KCNJ6: variants seen among roughly 807,000 people sequenced by gnomAD.
The protein encoded by KCNJ6 is G protein-activated inward rectifier potassium channel 2.
A neutral mutation model predicts 34.2 loss-of-function variants in KCNJ6; 9 were observed. The ratio of observed to expected loss-of-function variants is 0.26; its 90% CI spans 0.16 to 0.46. The LOEUF is 0.46. KCNJ6 is among the 20% of genes least tolerant of loss of function. The probability of loss-of-function intolerance (pLI) is 1.00; values close to 1 mark genes in which losing one functional copy is unlikely to be tolerated. For synonymous variants in KCNJ6, 196 were observed against 207.1 expected (o/e 0.95, Z 0.46); for missense variants, 236 against 531.3 (o/e 0.44, Z 5.46).
chr21:37,661,554 A>G (rs2123398416), intron 3 of KCNJ6, among the ~76,000 whole-genome samples: 1 of 150,250 alleles, frequency 6.7e-6, no homozygotes, highest in South Asian at 2.1e-4. Flanking sequence ...AGTAAGTCAT[A>G]TTAATCTATA....
At chr21:37,905,416 T>C (rs141575132) in intron 1 of KCNJ6, among the ~76,000 whole-genome samples, 11 of 152,352 alleles carry the variant, frequency 7.2e-5, no homozygotes. Flanking sequence ...TGGTAGACCA[T>C]ACCCCTGCCT....
At chr21:37,814,538 T>A (rs897227027) in intron 2 of KCNJ6, among the ~76,000 whole-genome samples, 73 of 152,312 alleles carry the variant, frequency 4.8e-4, no homozygotes, top group African/African-American at 1.7e-3. Context: ...CCTAAATGTC[T>A]ATCAACAGAT....
Position 37,794,541 on chromosome 21 carries a change from C to T in KCNJ6, c.25+46117G>A, listed in dbSNP as rs148935215. Among the ~76,000 whole-genome samples, 23 of 152,250 alleles carry T rather than the reference C, an allele frequency of 1.5e-4. No homozygotes were observed. The East Asian group carries it at 3.5e-3, about 23-fold the overall frequency. On this transcript the variant is annotated intron_variant, in intron 2 of 3. Transcript: ENST00000609713. ...TATCGTTACACATGACTTTCAACAA[C>T]GTATTTATTTTATTAGGTGAGGCAC...
At chr21:37,723,159 CA>C (rs1205834143) in intron 2 of KCNJ6, among the ~76,000 whole-genome samples, 4 of 152,050 alleles carry the variant, frequency 2.6e-5, no homozygotes, top group Admixed American at 6.6e-5. Flanking sequence ...AAGTGGTCAA[CA>C]AACATATGAA....
chr21:37,742,212 G>A (rs1052509813), intron 2 of KCNJ6, among the ~76,000 whole-genome samples: 4 of 152,186 alleles, frequency 2.6e-5, no homozygotes, highest in Non-Finnish European at 5.9e-5. Context: ...TGGTCATTTG[G>A]GCCAATTGTT....
intron 2 of KCNJ6, among the ~76,000 whole-genome samples, chr21:37,773,153 C>T (rs1253406509): frequency 1.3e-5 from 2 of 152,112 alleles, no homozygotes; most frequent in African/African-American, 4.8e-5. Context: ...GATCCTTTTC[C>T]ACTGTTTTCT....
chr21:37,610,868 T>C lies in KCNJ6; in HGVS notation c.*14291A>G, dbSNP rs1056287810. 7 of 152,110 alleles carry C rather than the reference T, an allele frequency of 4.6e-5. No homozygotes were observed. The highest frequency in any genetic ancestry group is 2.6e-4 in the Admixed American group (4 of 15,280). The allele number at this position is 152,110 out of a possible 1,614,324, so 9.4% of individuals were successfully genotyped here. On this transcript the variant is annotated 3_prime_UTR_variant, in exon 4 of 4. Transcript: ENST00000609713. ...AATGCTTAAAGGGAAATTTATAACA[T>C]TGAATGCAGATAGCACAAAAGAAGA...
At chr21:37,835,138 C>G (rs776902769) in intron 2 of KCNJ6, among the ~76,000 whole-genome samples, 8 of 152,206 alleles carry the variant, frequency 5.3e-5, no homozygotes, top group Non-Finnish European at 4.4e-5. Flanking sequence ...GAAGCCAACT[C>G]CTTCTGCCAA....
chr21:37,662,680 G>A (rs913565061), intron 3 of KCNJ6, among the ~76,000 whole-genome samples: 9 of 152,160 alleles, frequency 5.9e-5, no homozygotes, highest in African/African-American at 9.7e-5. Flanking sequence ...TTGAGGAATC[G>A]TCAGACTGTC....
rs561688966 is a variant in KCNJ6 at position 37,725,577 on chromosome 21, GCA to G, written c.26-10448_26-10447del. ...ATACTTGTATGTATTATGTGTAATA[GCA>G]CAGTCTTTCCGGAAGGAAGGGTAAG... On this transcript the variant is annotated intron_variant, in intron 2 of 3. Transcript: ENST00000609713. 2.6e-4 allele frequency among the ~76,000 whole-genome samples: 40 copies of G among 152,328 alleles called. 1 individual carries two copies. Among genetic ancestry groups the G allele is most frequent in the African/African-American group, 7.7e-4 (32 of 41,580 alleles).
rs1352566286 is a variant in KCNJ6 at position 37,712,742 on chromosome 21, CT to C, written c.946+1468del. Among the ~76,000 whole-genome samples, 16 of 56,096 alleles carry C rather than the reference CT, an allele frequency of 2.9e-4. 2 individuals carry two copies. Among genetic ancestry groups the C allele is most frequent in the African/African-American group, 9.5e-4 (16 of 16,922 alleles). The allele number at this position is 56,096 out of a possible 152,430, so 36.8% of individuals were successfully genotyped here. On this transcript the variant is annotated intron_variant, in intron 3 of 3. Coordinates refer to ENST00000609713, the MANE Select transcript of KCNJ6 (RefSeq NM_002240.5). ...TTCCCTCCTTCCTCCCCTTCTCCTCCTCTCCTTCCTCCCCTTCCTCCTCCCC... is the reference window on the plus strand; with the variant it reads ...TTCCCTCCTTCCTCCCCTTCTCCTCCCTCCTTCCTCCCCTTCCTCCTCCCC...
rs1568875152 is a variant in KCNJ6, at chr21:37,859,532, A to ATATAT, written c.-27-18824_-27-18823insATATA. 6.4e-3 allele frequency among the ~76,000 whole-genome samples: 493 copies of ATATAT among 77,420 alleles called. 9 individuals are homozygous for ATATAT. The highest frequency in any genetic ancestry group is 0.012 in the African/African-American group (153 of 13,192). The allele number at this position is 77,420 out of a possible 152,430, so 50.8% of individuals were successfully genotyped here. ...ATATATATATATATATATATATATA[A>ATATAT]AATACTTAAAAAGCTCTACAGATGA... On this transcript the variant is annotated intron_variant, in intron 1 of 3. Transcript: ENST00000609713.
chr21:37,669,017 G>C (rs1045911766), intron 3 of KCNJ6, among the ~76,000 whole-genome samples: 2 of 152,040 alleles, frequency 1.3e-5, no homozygotes, highest in Non-Finnish European at 1.5e-5. Context: ...ATCTAAATAG[G>C]AAACATTGCC....
In KCNJ6 at chr21:37,655,210, TGTGTGTGTGTGTGTGAGAGAGAGAGA is replaced by T. The variant is rs1569438802; in HGVS notation, c.947-29752_947-29727del. 9.3e-4 allele frequency among the ~76,000 whole-genome samples: 81 copies of T among 87,210 alleles called. 2 individuals are homozygous for T. Among genetic ancestry groups the T allele is most frequent in the Non-Finnish European group, 1.4e-3 (59 of 43,200 alleles). 57.2% of individuals were successfully genotyped at this position (87,210 alleles called of 152,430 possible). ...GTGTGTGTGTGTGTGTGTGTGTGTGTGTGTGTGTGTGTGTGAGAGAGAGAGAGAGAGAGAGAGAGAGAGAGAGAGAG... is the reference window on the plus strand; with the variant it reads ...GTGTGTGTGTGTGTGTGTGTGTGTGTGAGAGAGAGAGAGAGAGAGAGAGAG... On this transcript the variant is annotated intron_variant, in intron 3 of 3. Coordinates refer to ENST00000609713, the MANE Select transcript of KCNJ6 (RefSeq NM_002240.5).
chr21:37,914,774 G>A (rs1256686250), intron 1 of KCNJ6, among the ~76,000 whole-genome samples: 4 of 152,120 alleles, frequency 2.6e-5, no homozygotes, highest in African/African-American at 4.8e-5. Flanking sequence ...AAGAAAGGCA[G>A]GCAGGGAACA....
chr21:37,659,502 T>A (rs917073747), intron 3 of KCNJ6, among the ~76,000 whole-genome samples: 2 of 151,822 alleles, frequency 1.3e-5, no homozygotes, highest in African/African-American at 4.8e-5. Flanking sequence ...GAGAAGAAGA[T>A]GAGAATGGAA....
At chr21:37,680,989 G>C (rs1204736712) in intron 3 of KCNJ6, among the ~76,000 whole-genome samples, 2 of 152,172 alleles carry the variant, frequency 1.3e-5, no homozygotes, top group Non-Finnish European at 2.9e-5. Context: ...TGCTCGCCAG[G>C]ACAGTCCATT....
At chr21:37,912,861 C>T (rs1309728292) in intron 1 of KCNJ6, among the ~76,000 whole-genome samples, 1 of 152,170 alleles carries the variant, frequency 6.6e-6, no homozygotes, top group African/African-American at 2.4e-5. Context: ...ACTTGGAAAG[C>T]CCAGCAAGGA....
intron 3 of KCNJ6, among the ~76,000 whole-genome samples, chr21:37,664,463 TA>T (rs1438747308): frequency 3.9e-5 from 6 of 151,922 alleles, no homozygotes; most frequent in African/African-American, 1.4e-4. Flanking sequence ...TAAAAAAATA[TA>T]TAATTTAAAT....
Sources: allele counts gnomAD v4.1 joint callset (sites outside exome capture counted in the v4.1 genomes callset), GRCh38; gene constraint gnomAD v4.1.1; transcripts MANE v1.5; gene names NCBI Gene and HGNC (gene_info 2026-07-23, HGNC 2026-07-21).